Variants in UBE2V1 observed in about 807,000 individuals in gnomAD.
The protein encoded by UBE2V1 is ubiquitin conjugating enzyme E2 V1, also known as ubiquitin-conjugating enzyme E2 variant 1.
UBE2V1 carries 15 observed loss-of-function variants against 19.6 expected under a neutral mutation model. That is an observed-to-expected ratio of 0.77 (90% CI 0.51 to 1.18). The LOEUF (loss-of-function observed/expected upper bound fraction) is 1.18. Ranked by LOEUF, UBE2V1 falls within the 50% of genes most tolerant of loss-of-function variation. The probability of loss-of-function intolerance (pLI) is 0.00; values close to 1 mark genes in which losing one functional copy is unlikely to be tolerated. For missense variants in UBE2V1, 125 were observed against 184.8 expected, an observed-to-expected ratio of 0.68 and a Z score of 1.88; for synonymous variants, 60 against 60.7, an observed-to-expected ratio of 0.99 and a Z score of 0.05.
intron 1 of UBE2V1, among the ~76,000 whole-genome samples, chr20:50,110,738 T>C (rs1318238443): frequency 6.6e-6 from 1 of 152,200 alleles, no homozygotes; most frequent in Admixed American, 6.5e-5. Context: ...CTTCCCCTCA[T>C]ACCATCTCAA....
chr20:50,101,807 G>C (rs1266811643), intron 1 of UBE2V1, among the ~76,000 whole-genome samples: 3 of 152,096 alleles, frequency 2.0e-5, no homozygotes, highest in Non-Finnish European at 2.9e-5. Flanking sequence ...ACAGTCTAAG[G>C]TGTCAGTGTG....
chr20:50,112,917 C>A (rs1017294207), intron 1 of UBE2V1, among the ~76,000 whole-genome samples, 190 bp downstream of exon 1: 11 of 152,200 alleles, frequency 7.2e-5, no homozygotes, highest in Admixed American at 4.6e-4. Flanking sequence ...GCCCCTCAGC[C>A]CCCCGCCCGT....
intron 1 of UBE2V1, among the ~76,000 whole-genome samples, chr20:50,101,596 A>AAAAAT (rs1555878351): frequency 1.3e-5 from 2 of 148,992 alleles, no homozygotes; most frequent in African/African-American, 5.0e-5. Flanking sequence ...AAAAAAAAAA[A>AAAAAT]TTTTACACAT....
intron 2 of UBE2V1, among the ~76,000 whole-genome samples, chr20:50,088,874 AC>A (rs1206818420): frequency 6.6e-6 from 1 of 152,196 alleles, no homozygotes; most frequent in African/African-American, 2.4e-5. Context: ...ATCTAAACAT[AC>A]AAAAAGGAAA....
chr20:50,092,758 A>AC (rs1271019963), intron 2 of UBE2V1, among the ~76,000 whole-genome samples: 1 of 152,238 alleles, frequency 6.6e-6, no homozygotes, highest in Non-Finnish European at 1.5e-5. Context: ...TAAACAAACA[A>AC]ACAAAAAAGG....
At position 50,084,455 on chromosome 20, in the gene UBE2V1, C is replaced by T. The variant is rs771463009; in HGVS notation, c.172-201G>A. 3 of 910,016 alleles carry T rather than the reference C, an allele frequency of 3.3e-6. No individual in the cohort carries two copies. The East Asian group carries it at 8.4e-5, about 26-fold the overall frequency. The allele number at this position is 910,016 out of a possible 1,614,324, so 56.4% of individuals were successfully genotyped here. A position where few individuals can be genotyped will look rare whatever the true frequency, so the allele number is the denominator to read the frequency against. ...ATGACTTCCGGGCCTTGGGGGAATACAAAGAAGATGGAGCATTTAAGCTAG... is the reference window on the plus strand; with the variant it reads ...ATGACTTCCGGGCCTTGGGGGAATATAAAGAAGATGGAGCATTTAAGCTAG... On this transcript the variant is annotated intron_variant, in intron 2 of 3. Transcript: ENST00000371674.
At chr20:50,097,939 G>A (rs560475759) in intron 1 of UBE2V1, among the ~76,000 whole-genome samples, 5 of 152,254 alleles carry the variant, frequency 3.3e-5, no homozygotes, top group Admixed American at 1.3e-4. Context: ...AGTATACATC[G>A]GGGACTTTTC....
At chr20:50,109,551 C>T (rs2080608873) in intron 1 of UBE2V1, among the ~76,000 whole-genome samples, 1 of 152,002 alleles carries the variant, frequency 6.6e-6, no homozygotes, top group African/African-American at 2.4e-5. Flanking sequence ...GAGTTTGAGA[C>T]CAGACTGACC....
intron 1 of UBE2V1, among the ~76,000 whole-genome samples, chr20:50,102,391 G>A (rs1036277817): frequency 6.6e-6 from 1 of 152,044 alleles, no homozygotes; most frequent in Non-Finnish European, 1.5e-5. Flanking sequence ...AAACACAAAA[G>A]CAACCTTGTA....
chr20:50,100,822 C>A (rs1317429731), intron 1 of UBE2V1, among the ~76,000 whole-genome samples: 1 of 152,158 alleles, frequency 6.6e-6, no homozygotes, highest in Non-Finnish European at 1.5e-5. Context: ...TTCTCTATGG[C>A]TGAAAGGTTA....
chr20:50,088,513 C>T (rs191493888), intron 2 of UBE2V1, among the ~76,000 whole-genome samples: 3 of 152,122 alleles, frequency 2.0e-5, no homozygotes, highest in South Asian at 2.1e-4. Context: ...AGGCTAGGCA[C>T]GGTGGCCCAC....
intron 1 of UBE2V1, among the ~76,000 whole-genome samples, chr20:50,100,654 C>T (rs539502013): frequency 6.6e-5 from 10 of 152,242 alleles, no homozygotes; most frequent in African/African-American, 2.2e-4. Context: ...TTAAGCCCTT[C>T]ATTACTGAAT....
intron 2 of UBE2V1, 147 bp downstream of exon 2, chr20:50,096,525 T>C (rs2079635723): frequency 6.4e-7 from 1 of 1,562,580 alleles, no homozygotes; most frequent in Non-Finnish European, 8.6e-7. Flanking sequence ...TTCAAATATA[T>C]AAACTGAAAC....
chr20:50,094,028 TAATAAA>T (rs1263282863), intron 2 of UBE2V1, among the ~76,000 whole-genome samples: 18 of 94,872 alleles, frequency 1.9e-4, no homozygotes, highest in African/African-American at 7.1e-4. Context: ...ATAATAATAA[TAATAAA>T]ATATATATAT....
At chr20:50,114,295 A>G (rs1400182761), upstream of UBE2V1, among the ~76,000 whole-genome samples, 1 of 152,166 alleles carries the variant, frequency 6.6e-6, no homozygotes, top group Non-Finnish European at 1.5e-5. Flanking sequence ...CACCCAGCAC[A>G]TCCAATTCAT....
rs781517199 is a variant in UBE2V1, at chr20:50,082,788, C to T, written c.424G>A (p.Gly142Arg). The T allele has an allele frequency of 1.2e-6, 2 of 1,612,690 alleles. No individual in the cohort carries two copies. Among genetic ancestry groups the T allele is most frequent in the Non-Finnish European group, 8.5e-7 (1 of 1,179,848 alleles). ...TTTGATTAATTGCTGTAACACTGTC[C>T]TTCGGGCGGCTGAGGGAGTTTCATA... is the stretch of plus-strand genomic sequence containing the variant. Reference protein sequence around the residue: ...ENMKLPQPPEGQCYSN With the variant: ...ENMKLPQPPERQCYSN The change falls in exon 4 of 4, where the codon GGA becomes AGA. Residue 142 changes from glycine to arginine, a missense_variant. This residue lies in a region of UBE2V1 where 78 missense variants were observed against 108.8 expected (regional missense o/e 0.72). Transcript: ENST00000371674.
intron 1 of UBE2V1, among the ~76,000 whole-genome samples, chr20:50,112,068 A>G (rs935143654): frequency 2.6e-5 from 4 of 152,168 alleles, no homozygotes; most frequent in African/African-American, 7.2e-5. Context: ...GAACCCACAT[A>G]TCTGTCCCAA....
chr20:50,092,125 CA>C (rs1246198918), intron 2 of UBE2V1, among the ~76,000 whole-genome samples: 2 of 151,966 alleles, frequency 1.3e-5, no homozygotes, highest in Admixed American at 6.6e-5. Flanking sequence ...AGTCTGAGAC[CA>C]GCCTGGCCAA....
rs60174191 is a variant in UBE2V1 at position 50,093,987 on chromosome 20, C to CA, written c.171+2684dup. On this transcript the variant is annotated intron_variant, in intron 2 of 3. Transcript: ENST00000371674. ...TGGGAGACAGAGCGAGACTCCAACT[C>CA]AAAAAAAAAAAAAAAAAAAAAAAAA... Among the ~76,000 whole-genome samples the CA allele has an allele frequency of 8.8e-3, 494 of 56,242 alleles. 1 individual carries two copies. The highest frequency in any genetic ancestry group is 0.019 in the Middle Eastern group (1 of 54). 36.9% of individuals were successfully genotyped at this position (56,242 alleles called of 152,430 possible). A position where few individuals can be genotyped will look rare whatever the true frequency, so the allele number is the denominator to read the frequency against.
Sources: allele counts gnomAD v4.1 joint callset (sites outside exome capture counted in the v4.1 genomes callset), GRCh38; gene constraint gnomAD v4.1.1; regional missense constraint gnomAD v4.1.1; transcripts MANE v1.5; gene names NCBI Gene and HGNC (gene_info 2026-07-23, HGNC 2026-07-21).